Variants in EBF1 observed in about 807,000 individuals in gnomAD.
The protein encoded by EBF1 is EBF transcription factor 1, also known as transcription factor COE1.
EBF1 carries 10 observed loss-of-function variants against 68.4 expected under a neutral mutation model. The observed-to-expected ratio is 0.15, with a 90% confidence interval of 0.09 to 0.25. The LOEUF is 0.25. Ranked by LOEUF, EBF1 falls within the 10% of genes least tolerant of loss-of-function variation. The pLI, the probability that EBF1 is intolerant of heterozygous loss-of-function variation, is 1.00. For missense variants in EBF1, 509 were observed against 794.4 expected (o/e 0.64, Z 4.32); for synonymous variants, 298 against 299.8 (o/e 0.99, Z 0.06).
chr5:159,099,746 G>T lies in EBF1; in HGVS notation c.-268C>A, dbSNP rs1783292834. On this transcript the variant is annotated 5_prime_UTR_variant, in exon 1 of 16. Transcript: ENST00000313708. ...CGAAAAGACCAAAATAATAAAATTA[G>T]AGATGTATGCTTGGCTGTTGGGGGT... The T allele has an allele frequency of 4.4e-6, 1 of 227,860 alleles. No homozygotes were observed. Among genetic ancestry groups the T allele is most frequent in the Non-Finnish European group, 8.2e-6 (1 of 121,946 alleles). 14.1% of individuals were successfully genotyped at this position (227,860 alleles called of 1,614,324 possible).
intron 6 of EBF1, among the ~76,000 whole-genome samples, chr5:158,867,960 T>A (rs553465896): frequency 2.0e-5 from 3 of 152,182 alleles, no homozygotes; most frequent in African/African-American, 4.8e-5. Context: ...AGCATTACCA[T>A]GTGACTATAC....
At chr5:158,862,031 C>A (rs539567328) in intron 6 of EBF1, among the ~76,000 whole-genome samples, 88 of 152,218 alleles carry the variant, frequency 5.8e-4, no homozygotes, top group African/African-American at 1.9e-3. Context: ...ATACAGTAGA[C>A]ATTCAAATGA....
intron 8 of EBF1, among the ~76,000 whole-genome samples, chr5:158,810,378 T>C (rs1782432726): frequency 6.6e-6 from 1 of 152,234 alleles, no homozygotes; most frequent in Admixed American, 6.5e-5. Flanking sequence ...TCTCAATTTG[T>C]ACCAACTACG....
intron 5 of EBF1, among the ~76,000 whole-genome samples, chr5:159,082,109 C>A (rs1350645327): frequency 2.0e-5 from 3 of 152,116 alleles, no homozygotes; most frequent in Non-Finnish European, 4.4e-5. Flanking sequence ...ACCTGAGACA[C>A]AATTCTCTGG....
intron 6 of EBF1, among the ~76,000 whole-genome samples, chr5:159,011,592 AG>A (rs1228325678): frequency 6.6e-6 from 1 of 152,200 alleles, no homozygotes; most frequent in Non-Finnish European, 1.5e-5. Flanking sequence ...AGGGCTCCAA[AG>A]TTTGCTAAAA....
At chr5:158,866,689 G>A (rs192949759) in intron 6 of EBF1, among the ~76,000 whole-genome samples, 1 of 151,766 alleles carries the variant, frequency 6.6e-6, no homozygotes, top group East Asian at 1.9e-4. Flanking sequence ...CGGCGTTTAT[G>A]AGTGCAGCTT....
intron 8 of EBF1, among the ~76,000 whole-genome samples, chr5:158,797,618 ATGCTTTAACTTT>A (rs1779819638): frequency 6.6e-6 from 1 of 152,228 alleles, no homozygotes; most frequent in Non-Finnish European, 1.5e-5. Context: ...GCAAAATGTC[ATGCTTTAACTTT>A]TGCAAGAAGG....
chr5:158,851,811 G>C (rs1792842101), intron 6 of EBF1, among the ~76,000 whole-genome samples: 1 of 87,914 alleles, frequency 1.1e-5, no homozygotes, highest in African/African-American at 4.4e-5. Flanking sequence ...AGGAGGGAAG[G>C]GAAGGGAATA....
At chr5:158,770,721 C>G (rs1756756491) in intron 10 of EBF1, among the ~76,000 whole-genome samples, 1 of 152,098 alleles carries the variant, frequency 6.6e-6, no homozygotes, top group South Asian at 2.1e-4. Flanking sequence ...TACCCCCACC[C>G]TTCACTGGTT....
At chr5:158,989,038 G>A (rs557697077) in intron 6 of EBF1, among the ~76,000 whole-genome samples, 43 of 152,158 alleles carry the variant, frequency 2.8e-4, no homozygotes, top group Admixed American at 2.6e-3. Context: ...CATCGTTGAC[G>A]TGTCCTTCAG....
At chr5:159,039,179 A>G (rs1770694124) in intron 6 of EBF1, among the ~76,000 whole-genome samples, 1 of 152,220 alleles carries the variant, frequency 6.6e-6, no homozygotes, top group South Asian at 2.1e-4. Flanking sequence ...CTCTTCCCTG[A>G]GTCATTCTGC....
chr5:158,824,486 G>C (rs1785585086), intron 7 of EBF1, among the ~76,000 whole-genome samples: 1 of 152,260 alleles, frequency 6.6e-6, no homozygotes, highest in South Asian at 2.1e-4. Flanking sequence ...CGAGCCTCCA[G>C]AGCGAAGGCT....
chr5:158,761,312 C>G (rs1390061812), intron 10 of EBF1, among the ~76,000 whole-genome samples: 3 of 152,208 alleles, frequency 2.0e-5, no homozygotes, highest in Non-Finnish European at 4.4e-5. Flanking sequence ...ATATCCTGTT[C>G]TGCTGTCGGT....
At chr5:159,086,176 T>C (rs1780609023) in intron 4 of EBF1, among the ~76,000 whole-genome samples, 1 of 152,164 alleles carries the variant, frequency 6.6e-6, no homozygotes, top group African/African-American at 2.4e-5. Context: ...ACCAGATGAC[T>C]AAAATGTTTA....
At chr5:158,741,050 T>G (rs916226510) in intron 10 of EBF1, among the ~76,000 whole-genome samples, 1 of 152,172 alleles carries the variant, frequency 6.6e-6, no homozygotes, top group Non-Finnish European at 1.5e-5. Context: ...AAAAACTATA[T>G]AAAGAAATGG....
intron 10 of EBF1, among the ~76,000 whole-genome samples, chr5:158,751,802 T>A (rs966010737): frequency 2.0e-5 from 3 of 152,110 alleles, no homozygotes; most frequent in Non-Finnish European, 4.4e-5. Flanking sequence ...TTGATCAGAA[T>A]CAACTTACAA....
chr5:158,747,811 T>A (rs73816048), intron 10 of EBF1, among the ~76,000 whole-genome samples: 3,945 of 152,294 alleles, frequency 0.026, 178 homozygotes, highest in African/African-American at 0.088. Context: ...ATCTTACAAA[T>A]CACCAACTCT....
At chr5:158,839,817 C>T (rs1411406485) in intron 7 of EBF1, among the ~76,000 whole-genome samples, 2 of 152,198 alleles carry the variant, frequency 1.3e-5, no homozygotes, top group African/African-American at 2.4e-5. Flanking sequence ...ACTCAAAGAA[C>T]ACCATTGTTT....
chr5:158,816,183 C>T (rs1007549627), intron 8 of EBF1, among the ~76,000 whole-genome samples: 3 of 152,216 alleles, frequency 2.0e-5, no homozygotes, highest in African/African-American at 7.2e-5. Context: ...AGCTATGCAT[C>T]ATCCATCATC....
Sources: allele counts gnomAD v4.1 joint callset (sites outside exome capture counted in the v4.1 genomes callset), GRCh38; gene constraint gnomAD v4.1.1; transcripts MANE v1.5; gene names NCBI Gene and HGNC (gene_info 2026-07-23, HGNC 2026-07-21).